FBXO15: variants seen among roughly 807,000 people sequenced by gnomAD.
FBXO15 encodes the protein F-box protein 15, also known as F-box only protein 15.
In FBXO15, 30 loss-of-function variants were observed where a neutral mutation model predicts 49.5. The ratio of observed to expected loss-of-function variants is 0.61; its 90% CI spans 0.45 to 0.82. FBXO15 has a LOEUF of 0.82. Ranked by LOEUF, FBXO15 falls within the 40% of genes least tolerant of loss-of-function variation. The probability of loss-of-function intolerance (pLI) is 0.00; values close to 1 mark genes in which losing one functional copy is unlikely to be tolerated. For synonymous variants in FBXO15, 250 were observed against 232.7 expected, an observed-to-expected ratio of 1.07 and a Z score of -0.68; for missense variants, 591 against 631.5, an observed-to-expected ratio of 0.94 and a Z score of 0.69.
intron 8 of FBXO15, among the ~76,000 whole-genome samples, chr18:74,113,024 T>G (rs1262969689): frequency 6.6e-6 from 1 of 152,246 alleles, no homozygotes; most frequent in Non-Finnish European, 1.5e-5. Context: ...AGCAGCTTTA[T>G]GCATAATTGC....
At chr18:74,136,415 T>C (rs868647585) in intron 2 of FBXO15, among the ~76,000 whole-genome samples, 3 of 152,316 alleles carry the variant, frequency 2.0e-5, no homozygotes, top group Middle Eastern at 3.4e-3. Context: ...GGTATGTTTC[T>C]TTAGTGAGAT....
chr18:74,119,473 A>T (rs2145181745), intron 8 of FBXO15, among the ~76,000 whole-genome samples: 1 of 152,304 alleles, frequency 6.6e-6, no homozygotes, highest in South Asian at 2.1e-4. Flanking sequence ...AAGTAAACTC[A>T]GTGTGATAGA....
chr18:74,107,498 C>T (rs951023941), intron 8 of FBXO15, among the ~76,000 whole-genome samples: 1 of 152,132 alleles, frequency 6.6e-6, no homozygotes, highest in Non-Finnish European at 1.5e-5. Context: ...AGTGAAGTCA[C>T]AGGGCAAACC....
At chr18:74,146,746 GAGAGGACACA>G (rs1049272083) in intron 1 of FBXO15, among the ~76,000 whole-genome samples, 2 of 152,138 alleles carry the variant, frequency 1.3e-5, no homozygotes, top group Non-Finnish European at 2.9e-5. Context: ...TGGAGACCTA[GAGAGGACACA>G]GGACATAGTT....
chr18:74,123,744 G>A (rs1175010866), intron 7 of FBXO15, among the ~76,000 whole-genome samples: 3 of 151,998 alleles, frequency 2.0e-5, no homozygotes, highest in Non-Finnish European at 4.4e-5. Context: ...GGCAGCCACC[G>A]CCCAGCACGG....
chr18:74,083,399 C>G (rs1378199036), intron 8 of FBXO15, among the ~76,000 whole-genome samples: 2 of 152,204 alleles, frequency 1.3e-5, no homozygotes, highest in African/African-American at 4.8e-5. Flanking sequence ...AGTGGAGGCA[C>G]AGTAATGACA....
At chr18:74,126,526 G>A (rs1293240577) in intron 5 of FBXO15, among the ~76,000 whole-genome samples, 2 of 152,214 alleles carry the variant, frequency 1.3e-5, no homozygotes, top group African/African-American at 4.8e-5. Context: ...AGAACGGGTG[G>A]TCTCAGGAGA....
At chr18:74,145,982 G>C (rs1979388665) in intron 1 of FBXO15, among the ~76,000 whole-genome samples, 1 of 152,158 alleles carries the variant, frequency 6.6e-6, no homozygotes, top group Admixed American at 6.5e-5. Context: ...CGTCTACAAG[G>C]TTAAGTGTAG....
chr18:74,109,081 G>C (rs1483466993), intron 8 of FBXO15, among the ~76,000 whole-genome samples: 2 of 151,968 alleles, frequency 1.3e-5, no homozygotes, highest in Non-Finnish European at 2.9e-5. Context: ...AAAGGAAAAT[G>C]ATCATCTGAC....
chr18:74,139,712 T>G (rs1314941310), intron 2 of FBXO15, among the ~76,000 whole-genome samples: 2 of 152,242 alleles, frequency 1.3e-5, no homozygotes, highest in African/African-American at 4.8e-5. Context: ...TCCATAAATG[T>G]TACTACAGTA....
chr18:74,140,939 A>G (rs1418522962), intron 1 of FBXO15, among the ~76,000 whole-genome samples: 1 of 152,204 alleles, frequency 6.6e-6, no homozygotes, highest in Non-Finnish European at 1.5e-5. Flanking sequence ...ACAATCTACA[A>G]CTTTTCTGAT....
At chr18:74,143,864 C>T (rs937483494) in intron 1 of FBXO15, among the ~76,000 whole-genome samples, 2 of 152,186 alleles carry the variant, frequency 1.3e-5, no homozygotes, top group Non-Finnish European at 2.9e-5. Context: ...CACACACATG[C>T]ACTTTGTGTC....
intron 8 of FBXO15, among the ~76,000 whole-genome samples, chr18:74,082,998 A>G (rs1323642763): frequency 2.6e-5 from 4 of 152,214 alleles, no homozygotes; most frequent in African/African-American, 9.6e-5. Flanking sequence ...AATGTTATAC[A>G]GTGTTCTCCA....
intron 9 of FBXO15, among the ~76,000 whole-genome samples, chr18:74,081,710 G>A (rs544021363): frequency 3.9e-5 from 6 of 152,240 alleles, no homozygotes; most frequent in Non-Finnish European, 8.8e-5. Flanking sequence ...CATACTCAGT[G>A]ACAAATGAAA....
intron 1 of FBXO15, chr18:74,140,598 G>A: frequency 3.0e-6 from 1 of 334,974 alleles, no homozygotes; most frequent in Non-Finnish European, 5.5e-6. Flanking sequence ...AGGAAGAAAG[G>A]CAGGGAGAAG....
chr18:74,132,512 T>C (rs780925246), intron 3 of FBXO15, among the ~76,000 whole-genome samples: 23 of 152,250 alleles, frequency 1.5e-4, no homozygotes, highest in Admixed American at 2.6e-4. Flanking sequence ...TGATGAACTA[T>C]GTTCACATAC....
At chr18:74,112,883 G>A (rs1914091253) in intron 8 of FBXO15, among the ~76,000 whole-genome samples, 1 of 152,166 alleles carries the variant, frequency 6.6e-6, no homozygotes, top group Non-Finnish European at 1.5e-5. Flanking sequence ...CAGTCACTTT[G>A]GAAGACAGTT....
At chr18:74,126,227 G>A in intron 5 of FBXO15, 126 bp from the exon 6 acceptor site, 1 of 1,272,712 alleles carries the variant, frequency 7.9e-7, no homozygotes, top group Non-Finnish European at 1.1e-6. Context: ...CAAACTAAGT[G>A]GCATGTTGGC....
At chr18:74,108,422 T>G (rs957947032) in intron 8 of FBXO15, among the ~76,000 whole-genome samples, 15 of 151,918 alleles carry the variant, frequency 9.9e-5, no homozygotes, top group African/African-American at 3.6e-4. Flanking sequence ...ATACCTTTGT[T>G]GGGCTTATTA....
Sources: allele counts gnomAD v4.1 joint callset (sites outside exome capture counted in the v4.1 genomes callset), GRCh38; gene constraint gnomAD v4.1.1; transcripts MANE v1.5; gene names NCBI Gene and HGNC (gene_info 2026-07-23, HGNC 2026-07-21).